The following SGCD variants were observed in gnomAD, a reference collection of about 807,000 sequenced individuals.
SGCD encodes delta-sarcoglycan.
SGCD carries 18 observed loss-of-function variants against 36.6 expected under a neutral mutation model. That is an observed-to-expected ratio of 0.49 (90% CI 0.34 to 0.73). The LOEUF is 0.73. Among genes scored for constraint, SGCD ranks in the 30% least tolerant of loss-of-function variants. The probability of loss-of-function intolerance (pLI) is 0.01; values close to 1 mark genes in which losing one functional copy is unlikely to be tolerated. For synonymous variants in SGCD, 133 were observed against 130.6 expected (o/e 1.02, Z -0.12); for missense variants, 387 against 346.7 (o/e 1.12, Z -0.92).
chr5:155,954,563 C>CTTT (rs199889260), intron 1 of SGCD, among the ~76,000 whole-genome samples: 2 of 130,762 alleles, frequency 1.5e-5, no homozygotes, highest in Admixed American at 7.6e-5. Flanking sequence ...TTATGGGGTT[C>CTTT]TTTTTTTTTT....
chr5:156,024,023 G>A (rs1382119452), intron 1 of SGCD, among the ~76,000 whole-genome samples: 2 of 152,188 alleles, frequency 1.3e-5, no homozygotes, highest in Admixed American at 6.5e-5. Flanking sequence ...GTGGTTTGCT[G>A]TTGCTACCTT....
At chr5:156,292,633 G>A (rs1192698678) in intron 3 of SGCD, among the ~76,000 whole-genome samples, 1 of 151,980 alleles carries the variant, frequency 6.6e-6, no homozygotes, top group Non-Finnish European at 1.5e-5. Context: ...TAGAATTGCT[G>A]GATTATATGA....
At chr5:156,079,456 AG>A (rs1464282470) in intron 1 of SGCD, among the ~76,000 whole-genome samples, 7 of 152,212 alleles carry the variant, frequency 4.6e-5, no homozygotes, top group Non-Finnish European at 8.8e-5. Flanking sequence ...TTAACTCAAA[AG>A]TTCCGAGCCC....
intron 3 of SGCD, among the ~76,000 whole-genome samples, chr5:156,453,305 A>T (rs938916441): frequency 2.6e-5 from 4 of 152,180 alleles, no homozygotes; most frequent in African/African-American, 9.6e-5. Context: ...TATGTAGAAA[A>T]CATAAAGGGA....
At chr5:155,822,053 G>A in the SGCD span, among the ~76,000 whole-genome samples, 1 of 152,072 alleles carries the variant, frequency 6.6e-6, no homozygotes, top group East Asian at 1.9e-4. Context: ...TATTTTACAG[G>A]AACTGAGCAA....
intron 3 of SGCD, among the ~76,000 whole-genome samples, chr5:156,289,335 G>T (rs891359494): frequency 1.3e-5 from 2 of 151,932 alleles, no homozygotes; most frequent in Admixed American, 1.3e-4. Context: ...CGGGATACAC[G>T]TGCAGAATGT....
intron 1 of SGCD, among the ~76,000 whole-genome samples, chr5:155,990,776 A>G (rs1337876245): frequency 1.3e-5 from 2 of 152,104 alleles, no homozygotes; most frequent in East Asian, 1.9e-4. Context: ...TGTGATTAAT[A>G]TTTTTACTAT....
chr5:155,736,706 C>G, the SGCD span, among the ~76,000 whole-genome samples: 7 of 152,176 alleles, frequency 4.6e-5, no homozygotes, highest in Non-Finnish European at 7.3e-5. Context: ...CTACCACCTC[C>G]TCCTCCTACT....
intron 1 of SGCD, among the ~76,000 whole-genome samples, chr5:156,072,539 C>G (rs1375426168): frequency 6.6e-6 from 1 of 151,856 alleles, no homozygotes; most frequent in Non-Finnish European, 1.5e-5. Context: ...GGTAACCCGA[C>G]CTTTCTCTCT....
chr5:155,811,619 C>T, the SGCD span, among the ~76,000 whole-genome samples: 1 of 152,128 alleles, frequency 6.6e-6, no homozygotes, highest in Non-Finnish European at 1.5e-5. Context: ...TTAGTTATTG[C>T]GGGATCTGGC....
rs1759890506 is a variant in SGCD at position 156,050,541 on chromosome 5, C to G, written c.-281-67337C>G. 1.4e-5 allele frequency among the ~76,000 whole-genome samples: 2 copies of G among 146,712 alleles called. 1 individual carries two copies. The highest frequency in any genetic ancestry group is 3.1e-5 in the Non-Finnish European group (2 of 65,072). ...GCCTGTAACTGAGCCTGCAATATCT[C>G]TGAGCTATGCTTTTATGCAAAGCAC... On this transcript the variant is annotated intron_variant, in intron 1 of 9. Coordinates refer to the SGCD transcript ENST00000517913.
At chr5:156,756,606 T>C (rs1188676230) in intron 7 of SGCD, among the ~76,000 whole-genome samples, 1 of 152,226 alleles carries the variant, frequency 6.6e-6, no homozygotes, top group Non-Finnish European at 1.5e-5. Context: ...GTTTTTCTCA[T>C]TATATGAATT....
chr5:156,501,269 G>A (rs1170117709), intron 3 of SGCD, among the ~76,000 whole-genome samples: 3 of 152,154 alleles, frequency 2.0e-5, no homozygotes, highest in Non-Finnish European at 4.4e-5. Context: ...GATTCAATGA[G>A]ATTATAAAAG....
At chr5:156,595,807 A>C (rs1231418276) in intron 6 of SGCD, among the ~76,000 whole-genome samples, 1 of 152,254 alleles carries the variant, frequency 6.6e-6, no homozygotes, top group Non-Finnish European at 1.5e-5. Context: ...TTACTGAATT[A>C]GAAGCTATGG....
chr5:156,155,251 A>G (rs1762924946), intron 3 of SGCD, among the ~76,000 whole-genome samples: 1 of 151,308 alleles, frequency 6.6e-6, no homozygotes, highest in Admixed American at 6.6e-5. Flanking sequence ...AAATGGTCAT[A>G]GATATTAGAC....
At position 156,474,814 on chromosome 5, in the gene SGCD, G is replaced by A. The variant is rs556995359; in HGVS notation, c.193-33787G>A. On this transcript the variant is annotated intron_variant, in intron 3 of 8. Transcript: ENST00000337851. Reference sequence around the variant, plus strand: ...CCTATTTTGCCATGATATTAGGATGGGATTAACTTGATATACGTGCATTGG... The same window carrying A: ...CCTATTTTGCCATGATATTAGGATGAGATTAACTTGATATACGTGCATTGG... 1.1e-4 allele frequency among the ~76,000 whole-genome samples: 16 copies of A among 152,150 alleles called. No individual in the cohort carries two copies. In the South Asian group the frequency reaches 3.3e-3, roughly 32 times the overall value.
At chr5:155,799,439 G>C in the SGCD span, among the ~76,000 whole-genome samples, 1 of 151,360 alleles carries the variant, frequency 6.6e-6, no homozygotes, top group African/African-American at 2.4e-5. Flanking sequence ...TGTCACCCAG[G>C]GTCGAGTGCA....
chr5:156,756,557 A>AAATT (rs1276038403), intron 7 of SGCD, among the ~76,000 whole-genome samples: 36 of 152,304 alleles, frequency 2.4e-4, no homozygotes, highest in African/African-American at 8.7e-4. Flanking sequence ...AAGAAAAATA[A>AAATT]AATTAGAATA....
chr5:156,730,588 T>C (rs1169936931), intron 7 of SGCD, among the ~76,000 whole-genome samples: 1 of 152,208 alleles, frequency 6.6e-6, no homozygotes, highest in African/African-American at 2.4e-5. Flanking sequence ...TATTCCATGG[T>C]GTATATGTTC....
Sources: allele counts gnomAD v4.1 joint callset (sites outside exome capture counted in the v4.1 genomes callset), GRCh38; gene constraint gnomAD v4.1.1; transcripts MANE v1.5; gene names NCBI Gene and HGNC (gene_info 2026-07-23, HGNC 2026-07-21).